Variants in MGAT4C observed in about 807,000 individuals in gnomAD.
MGAT4C encodes the protein alpha-1,3-mannosyl-glycoprotein 4-beta-N-acetylglucosaminyltransferase C.
Under a neutral mutation model 40.1 loss-of-function variants are expected in MGAT4C, and 19 were observed. The observed-to-expected ratio is 0.47, with a 90% CI of 0.33 to 0.70. MGAT4C has a LOEUF of 0.70. Ranked by LOEUF, MGAT4C falls within the 30% of genes least tolerant of loss-of-function variation. MGAT4C has a pLI of 0.02. For synonymous variants in MGAT4C, 181 were observed against 187.1 expected (o/e 0.97, Z 0.27); for missense variants, 491 against 563.2 (o/e 0.87, Z 1.30).
chr12:86,018,529 G>A (rs1889324358), intron 2 of MGAT4C, among the ~76,000 whole-genome samples: 1 of 152,022 alleles, frequency 6.6e-6, no homozygotes, highest in Non-Finnish European at 1.5e-5. Context: ...GCAGTATTCG[G>A]TACTTTCTGA....
chr12:86,578,242 C>G (rs7304757), intron 2 of MGAT4C, among the ~76,000 whole-genome samples: 129,149 of 151,740 alleles, frequency 0.85, 55,499 homozygotes, highest in East Asian at 0.96. Context: ...TTGTGCCTCC[C>G]TCTCTCCCTC....
chr12:86,813,551 T>G (rs577726855), intron 1 of MGAT4C, among the ~76,000 whole-genome samples: 1 of 152,244 alleles, frequency 6.6e-6, no homozygotes, highest in East Asian at 1.9e-4. Context: ...AGGCTATAAT[T>G]TTATGGTAAT....
intron 1 of MGAT4C, among the ~76,000 whole-genome samples, chr12:86,163,572 AC>A (rs1885844964): frequency 1.3e-5 from 2 of 152,162 alleles, no homozygotes; most frequent in Non-Finnish European, 2.9e-5. Flanking sequence ...TTTGACTAGA[AC>A]ATAACAGATT....
At chr12:86,151,415 A>T (rs1884264314) in intron 1 of MGAT4C, among the ~76,000 whole-genome samples, 1 of 152,164 alleles carries the variant, frequency 6.6e-6, no homozygotes, top group African/African-American at 2.4e-5. Context: ...GATCAAGACC[A>T]TCCTGGCTAA....
chr12:86,244,735 G>C (rs1951950684), intron 1 of MGAT4C, among the ~76,000 whole-genome samples: 1 of 152,120 alleles, frequency 6.6e-6, no homozygotes, highest in East Asian at 1.9e-4. Context: ...TCATCAAAGA[G>C]GTTCTAGGAA....
intron 1 of MGAT4C, among the ~76,000 whole-genome samples, chr12:86,138,388 T>C (rs924124927): frequency 6.6e-6 from 1 of 150,970 alleles, no homozygotes; most frequent in African/African-American, 2.4e-5. Flanking sequence ...GATTCCCACT[T>C]GGATATCAGG....
intron 1 of MGAT4C, among the ~76,000 whole-genome samples, chr12:86,231,401 C>T (rs190367419): frequency 3.5e-4 from 53 of 152,236 alleles, no homozygotes; most frequent in African/African-American, 1.3e-3. Flanking sequence ...AGTGGGTTAC[C>T]TTCTGCCTTT....
At chr12:86,447,673 T>C (rs115013463) in intron 2 of MGAT4C, among the ~76,000 whole-genome samples, 376 of 152,334 alleles carry the variant, frequency 2.5e-3, no homozygotes, top group African/African-American at 8.7e-3. Flanking sequence ...TATTGGTGAA[T>C]GAGTATTCCA....
chr12:86,831,339 A>T (rs1952923981), intron 1 of MGAT4C, among the ~76,000 whole-genome samples: 2 of 151,760 alleles, frequency 1.3e-5, no homozygotes, highest in African/African-American at 4.8e-5. Flanking sequence ...CTACGAGATG[A>T]ACCACAGGGG....
At chr12:86,551,050 C>A in intron 2 of MGAT4C, among the ~76,000 whole-genome samples, 1 of 152,164 alleles carries the variant, frequency 6.6e-6, no homozygotes, top group East Asian at 1.9e-4. Context: ...CAAGACAGAG[C>A]ACCAATTGAC....
intron 3 of MGAT4C, among the ~76,000 whole-genome samples, chr12:86,396,380 A>AT (rs1053656416): frequency 6.6e-6 from 1 of 151,942 alleles, no homozygotes; most frequent in Non-Finnish European, 1.5e-5. Context: ...GAATCAAGGA[A>AT]TTTTTTTGCA....
intron 2 of MGAT4C, among the ~76,000 whole-genome samples, chr12:86,636,657 C>T (rs1250419401): frequency 1.3e-5 from 2 of 151,958 alleles, no homozygotes; most frequent in African/African-American, 4.8e-5. Flanking sequence ...GTAAATGACA[C>T]TTTTTCACAG....
intron 1 of MGAT4C, among the ~76,000 whole-genome samples, chr12:86,243,832 T>C (rs1440004467): frequency 6.6e-6 from 1 of 152,208 alleles, no homozygotes; most frequent in African/African-American, 2.4e-5. Context: ...GCTGTGTCCA[T>C]ATCACTGGCC....
chr12:86,790,873 C>T (rs775780405), intron 1 of MGAT4C, among the ~76,000 whole-genome samples: 14 of 152,012 alleles, frequency 9.2e-5, no homozygotes, highest in Admixed American at 2.0e-4. Context: ...TATTTTTAAA[C>T]AAATACCCAG....
intron 1 of MGAT4C, among the ~76,000 whole-genome samples, chr12:86,187,631 TA>T (rs1269860559): frequency 2.0e-5 from 3 of 151,950 alleles, no homozygotes; most frequent in Non-Finnish European, 4.4e-5. Context: ...CTATAGTGAC[TA>T]GTTCATTGTT....
intron 4 of MGAT4C, among the ~76,000 whole-genome samples, chr12:86,305,529 A>G (rs923491512): frequency 1.3e-5 from 2 of 150,282 alleles, no homozygotes; most frequent in Non-Finnish European, 2.9e-5. Context: ...AATTTTTTCA[A>G]TGTTCTATGT....
At chr12:86,774,322 T>TCTTTCTTTCTCTC (rs1951703913) in intron 1 of MGAT4C, among the ~76,000 whole-genome samples, 1 of 99,414 alleles carries the variant, frequency 1.0e-5, no homozygotes. Flanking sequence ...TTTCTTTCTT[T>TCTTTCTTTCTCTC]CTTTCTTTCT....
At chr12:86,160,456 T>C in intron 1 of MGAT4C, among the ~76,000 whole-genome samples, 1 of 152,088 alleles carries the variant, frequency 6.6e-6, no homozygotes, top group Non-Finnish European at 1.5e-5. Flanking sequence ...ATGATTTCAA[T>C]TTGCTTTGAA....
At chr12:86,194,061 T>G (rs552646920) in intron 1 of MGAT4C, among the ~76,000 whole-genome samples, 1 of 152,236 alleles carries the variant, frequency 6.6e-6, no homozygotes, top group South Asian at 2.1e-4. Flanking sequence ...TTGTATGCTT[T>G]GTAATGTATT....
Sources: allele counts gnomAD v4.1 joint callset (sites outside exome capture counted in the v4.1 genomes callset), GRCh38; gene constraint gnomAD v4.1.1; transcripts MANE v1.5; gene names NCBI Gene and HGNC (gene_info 2026-07-23, HGNC 2026-07-21).